Variants in ARID5B observed in about 807,000 individuals in gnomAD.
ARID5B encodes AT-rich interactive domain-containing protein 5B.
A neutral mutation model predicts 97.2 loss-of-function variants in ARID5B; 13 were observed. The ratio of observed to expected loss-of-function variants is 0.13; its 90% CI spans 0.09 to 0.21. The LOEUF (loss-of-function observed/expected upper bound fraction) is 0.21. Among genes scored for constraint, ARID5B ranks in the 10% least tolerant of loss-of-function variants. The pLI, the probability that ARID5B is intolerant of heterozygous loss-of-function variation, is 1.00. For missense variants in ARID5B, 1,210 were observed against 1,465.3 expected (o/e 0.83, Z 2.84); for synonymous variants, 556 against 570.3 (o/e 0.97, Z 0.36).
chr10:61,979,724 A>G (rs146586111), intron 3 of ARID5B, among the ~76,000 whole-genome samples: 47 of 152,324 alleles, frequency 3.1e-4, no homozygotes, highest in African/African-American at 1.0e-3. Context: ...GGCCCATAGT[A>G]CTTTTAAGGA....
At chr10:61,951,396 T>C (rs958970552) in intron 3 of ARID5B, among the ~76,000 whole-genome samples, 21 of 152,342 alleles carry the variant, frequency 1.4e-4, no homozygotes, top group African/African-American at 4.6e-4. Context: ...CCTAGAACTC[T>C]CTTCCGTTGG....
intron 2 of ARID5B, among the ~76,000 whole-genome samples, chr10:61,904,327 C>T (rs986259288): frequency 3.3e-5 from 5 of 151,950 alleles, no homozygotes; most frequent in Non-Finnish European, 7.4e-5. Flanking sequence ...CTGAGTTGAC[C>T]CCACTTGGTA....
chr10:62,049,347 C>T, intron 4 of ARID5B: 2 of 1,535,252 alleles, frequency 1.3e-6, no homozygotes, highest in Non-Finnish European at 1.8e-6. Flanking sequence ...AGCGCTGAGC[C>T]TCGCAGCTCG....
chr10:62,040,245 G>A (rs12764378), intron 4 of ARID5B, among the ~76,000 whole-genome samples: 27,651 of 151,948 alleles, frequency 0.18, 2,790 homozygotes, highest in Middle Eastern at 0.26. Flanking sequence ...CTTCATCAGG[G>A]CCATTTAGTA....
intron 3 of ARID5B, among the ~76,000 whole-genome samples, chr10:61,970,054 C>T (rs1207653504): frequency 6.6e-6 from 1 of 152,174 alleles, no homozygotes; most frequent in Non-Finnish European, 1.5e-5. Flanking sequence ...TTGATATGAT[C>T]AGGTCTCCAA....
intron 4 of ARID5B, among the ~76,000 whole-genome samples, chr10:62,008,510 C>T (rs755325083): frequency 3.9e-5 from 6 of 152,148 alleles, no homozygotes; most frequent in Non-Finnish European, 7.3e-5. Context: ...GAGAGATTGG[C>T]GTGTTGGGAA....
At chr10:62,077,794 A>G (rs1416845632) in intron 8 of ARID5B, among the ~76,000 whole-genome samples, 4 of 152,210 alleles carry the variant, frequency 2.6e-5, no homozygotes. Flanking sequence ...TTTATCATTA[A>G]GATTAAATAA....
At chr10:61,941,345 TCTC>T (rs1844407241) in intron 3 of ARID5B, among the ~76,000 whole-genome samples, 1 of 151,766 alleles carries the variant, frequency 6.6e-6, no homozygotes, top group Non-Finnish European at 1.5e-5. Context: ...ACTGATTTAT[TCTC>T]CTAGCATTGC....
chr10:62,034,865 G>A (rs988678432), intron 4 of ARID5B, among the ~76,000 whole-genome samples: 1 of 152,130 alleles, frequency 6.6e-6, no homozygotes, highest in Non-Finnish European at 1.5e-5. Context: ...CAGAGATGGG[G>A]TTCCTTAAAA....
intron 2 of ARID5B, among the ~76,000 whole-genome samples, chr10:61,911,648 C>T (rs763968250): frequency 5.9e-5 from 9 of 152,126 alleles, no homozygotes; most frequent in South Asian, 2.1e-4. Flanking sequence ...ACTGCACGAG[C>T]GGCACCCAGT....
At chr10:61,984,698 G>T (rs1838823157) in intron 3 of ARID5B, among the ~76,000 whole-genome samples, 1 of 152,178 alleles carries the variant, frequency 6.6e-6, no homozygotes, top group Non-Finnish European at 1.5e-5. Context: ...CAGCCTCGCT[G>T]CCTTCAGGAT....
At chr10:61,957,354 C>T (rs146716733) in intron 3 of ARID5B, among the ~76,000 whole-genome samples, 6,586 of 152,224 alleles carry the variant, frequency 0.043, 213 homozygotes, top group East Asian at 0.14. Context: ...CTGCAACCTC[C>T]GCCTCCCAGG....
intron 2 of ARID5B, among the ~76,000 whole-genome samples, chr10:61,930,977 AC>A: frequency 6.6e-6 from 1 of 152,158 alleles, no homozygotes; most frequent in East Asian, 1.9e-4. Context: ...TGGCAGGTGA[AC>A]TTGGAAGTCT....
At chr10:61,903,686 C>T (rs753451429) in intron 2 of ARID5B, among the ~76,000 whole-genome samples, 81 of 152,276 alleles carry the variant, frequency 5.3e-4, no homozygotes, top group Non-Finnish European at 1.0e-3. Flanking sequence ...TTTAACTCAT[C>T]CCGGGGCTCG....
rs1554843605 is a variant in ARID5B at position 62,000,831 on chromosome 10, T to TGATTGATA, written c.733+513_733+514insTGATAGAT. On this transcript the variant is annotated intron_variant, in intron 4 of 9. Transcript: ENST00000279873. This position sits in a 1 kb window ranked among gnomAD's most constrained non-coding sequence, Gnocchi z 4.4. ...TACAGTAGATAGACACGTAGAGAGA[T>TGATTGATA]GATAGATAGATAGATAGATAGATAG... is the stretch of plus-strand genomic sequence containing the variant. Among the ~76,000 whole-genome samples, 1 of 148,508 alleles carries TGATTGATA rather than the reference T, an allele frequency of 6.7e-6. No individual in the cohort carries two copies. The highest frequency in any genetic ancestry group is 2.5e-5 in the African/African-American group (1 of 40,012).
rs1169060487 is a variant in ARID5B, at chr10:62,091,284, C to G, written c.1821C>G (p.Asn607Lys). The change falls in exon 10 of 10, where the codon AAC (asparagine) becomes AAG (lysine). Residue 607 changes from asparagine to lysine, a missense_variant. Transcript: ENST00000279873. The stretch of plus-strand genomic sequence containing the variant: ...CCACCACACAGCCACCGCTGGCAAA[C>G]CAGAATGAGACGGAGGATGACAAAC... ...SFPTTQPPLANQNETEDDKLP... is the reference protein window; with the variant it reads ...SFPTTQPPLAKQNETEDDKLP... The G allele has an allele frequency of 6.2e-7, 1 of 1,614,074 alleles. No homozygotes were observed. Among genetic ancestry groups the G allele is most frequent in the Non-Finnish European group, 8.5e-7 (1 of 1,180,026 alleles).
rs1337208008 is a variant in ARID5B at position 62,095,283 on chromosome 10, A to G, written c.*2253A>G. ...TTGCACTAGATTGAATGGTCACAGAATCGGAGGACATGGAAGAAAAAGGAA... is the reference window on the plus strand; with the variant it reads ...TTGCACTAGATTGAATGGTCACAGAGTCGGAGGACATGGAAGAAAAAGGAA... On this transcript the variant is annotated 3_prime_UTR_variant, in exon 10 of 10. Coordinates refer to ENST00000279873, the MANE Select transcript of ARID5B (RefSeq NM_032199.3). 4.3e-6 allele frequency: 1 copy of G among 233,108 alleles called. No homozygotes were observed. Among genetic ancestry groups the G allele is most frequent in the Non-Finnish European group, 8.5e-6 (1 of 117,800 alleles). 14.4% of individuals were successfully genotyped at this position (233,108 alleles called of 1,614,324 possible).
chr10:61,957,015 CCCA>C lies in ARID5B; in HGVS notation c.502+16610_502+16612del, dbSNP rs1478551930. ...ACCGCTTCCAGGCTCAAGTGATCCT[CCCA>C]CCTCAGCCTTTTAAATTGTTTTTCT... On this transcript the variant is annotated intron_variant, in intron 3 of 9. Transcript: ENST00000279873. Among the ~76,000 whole-genome samples, 18 of 152,220 alleles carry C rather than the reference CCCA, an allele frequency of 1.2e-4. 1 individual carries two copies. The highest frequency in any genetic ancestry group is 4.1e-4 in the African/African-American group (17 of 41,530).
At chr10:62,052,420 A>G (rs1477307287) in intron 5 of ARID5B, among the ~76,000 whole-genome samples, 3 of 152,342 alleles carry the variant, frequency 2.0e-5, no homozygotes, top group Admixed American at 6.5e-5. Context: ...AACATTCAGC[A>G]GAGCTTGTAC....
Sources: gnomAD v4.1 joint callset for allele counts (sites outside exome capture counted in the v4.1 genomes callset) on GRCh38, gnomAD v4.1.1 for gene constraint, Gnocchi (gnomAD v3.1) non-coding constraint, MANE v1.5 for transcripts, NCBI Gene and HGNC (gene_info 2026-07-23, HGNC 2026-07-21) for gene names.